ARHGAP24: variants seen among roughly 807,000 people sequenced by gnomAD.
ARHGAP24 encodes the protein rho GTPase-activating protein 24.
A neutral mutation model predicts 76.4 loss-of-function variants in ARHGAP24; 50 were observed. That is an observed-to-expected ratio of 0.65 (90% CI 0.52 to 0.83). The LOEUF (loss-of-function observed/expected upper bound fraction) is 0.83, where lower values mean the gene tolerates loss of function less well. Among genes scored for constraint, ARHGAP24 ranks in the 40% least tolerant of loss-of-function variants. ARHGAP24 has a pLI of 0.00. For missense variants in ARHGAP24, 930 were observed against 914.2 expected (o/e 1.02, Z -0.22); for synonymous variants, 345 against 323.3 (o/e 1.07, Z -0.72).
Position 85,518,169 on chromosome 4 carries a change from G to A in ARHGAP24, c.-21+42610G>A, listed in dbSNP as rs1046735020. ...ACATTCAGTATATCATGAGGAAGAA[G>A]CAAAATAATATGTAAGGTGTTTTTG... On this transcript the variant is annotated intron_variant, in intron 1 of 9. Coordinates refer to ENST00000395184, the MANE Select transcript of ARHGAP24 (RefSeq NM_001025616.3). Among the ~76,000 whole-genome samples the A allele has an allele frequency of 1.6e-4, 25 of 152,162 alleles. 1 individual carries two copies. The highest frequency in any genetic ancestry group is 1.4e-3 in the Admixed American group (22 of 15,246).
intron 3 of ARHGAP24, among the ~76,000 whole-genome samples, chr4:85,829,078 G>T (rs1322685817): frequency 6.6e-6 from 1 of 152,062 alleles, no homozygotes; most frequent in Non-Finnish European, 1.5e-5. Context: ...AAAAAATTTA[G>T]AGTCAGCAGA....
intron 2 of ARHGAP24, among the ~76,000 whole-genome samples, chr4:85,640,267 A>G (rs951717685): frequency 3.3e-5 from 5 of 152,048 alleles, no homozygotes; most frequent in Non-Finnish European, 4.4e-5. Context: ...TTCTAAACCT[A>G]CTTACCCTGT....
At chr4:85,843,223 T>C (rs1187532351) in intron 3 of ARHGAP24, among the ~76,000 whole-genome samples, 2 of 152,214 alleles carry the variant, frequency 1.3e-5, no homozygotes, top group South Asian at 2.1e-4. Flanking sequence ...TGCCACATTG[T>C]TGGACAGTTC....
At chr4:85,815,240 G>T (rs1469358666) in intron 3 of ARHGAP24, among the ~76,000 whole-genome samples, 1 of 151,966 alleles carries the variant, frequency 6.6e-6, no homozygotes, top group Non-Finnish European at 1.5e-5. Context: ...CATTTTTTTT[G>T]GAAATAACAT....
At chr4:85,997,337 T>C (rs1560776474) in intron 9 of ARHGAP24, among the ~76,000 whole-genome samples, 1 of 149,450 alleles carries the variant, frequency 6.7e-6, no homozygotes, top group African/African-American at 2.5e-5. Context: ...GATAGATAGA[T>C]AGATAGAGAG....
intron 1 of ARHGAP24, among the ~76,000 whole-genome samples, chr4:85,507,271 G>A (rs1318610448): frequency 6.6e-6 from 1 of 151,944 alleles, no homozygotes; most frequent in Non-Finnish European, 1.5e-5. Context: ...ACCCAGGCTG[G>A]AGTGCAGTGG....
At chr4:85,646,732 A>G (rs558705787) in intron 2 of ARHGAP24, among the ~76,000 whole-genome samples, 7 of 152,100 alleles carry the variant, frequency 4.6e-5, no homozygotes, top group Non-Finnish European at 1.0e-4. Context: ...TTCTGCAAAA[A>G]TATAAGGGAA....
intron 2 of ARHGAP24, among the ~76,000 whole-genome samples, chr4:85,662,878 C>A (rs1391272522): frequency 3.3e-5 from 5 of 151,986 alleles, no homozygotes; most frequent in African/African-American, 1.2e-4. Flanking sequence ...TTGACCTATA[C>A]CTCTGTTTAG....
intron 1 of ARHGAP24, among the ~76,000 whole-genome samples, chr4:85,545,451 T>C (rs1314205762): frequency 6.6e-6 from 1 of 152,182 alleles, no homozygotes; most frequent in Non-Finnish European, 1.5e-5. Context: ...CATTGCTAAT[T>C]TTCTCTTCAT....
chr4:85,707,378 T>C (rs575961630), intron 2 of ARHGAP24, among the ~76,000 whole-genome samples: 11 of 151,764 alleles, frequency 7.2e-5, no homozygotes, highest in African/African-American at 2.7e-4. Flanking sequence ...AATGCGTCCT[T>C]GTGCTTCTTG....
intron 3 of ARHGAP24, among the ~76,000 whole-genome samples, chr4:85,917,743 G>A (rs994465373): frequency 2.0e-5 from 3 of 152,132 alleles, no homozygotes; most frequent in Non-Finnish European, 4.4e-5. Context: ...TCACTTCTAA[G>A]AAACTGTTTG....
At chr4:85,631,627 T>C (rs761113070) in intron 2 of ARHGAP24, among the ~76,000 whole-genome samples, 18 of 152,134 alleles carry the variant, frequency 1.2e-4, no homozygotes, top group Non-Finnish European at 2.2e-4. Flanking sequence ...CTTCTAATCA[T>C]TTTGCTATAG....
At chr4:85,862,362 C>T (rs1343157283) in intron 3 of ARHGAP24, among the ~76,000 whole-genome samples, 5 of 151,976 alleles carry the variant, frequency 3.3e-5, no homozygotes, top group African/African-American at 1.2e-4. Context: ...TACAGGTTGG[C>T]GTTTGCCTTA....
At chr4:85,707,042 G>A (rs1420233034) in intron 2 of ARHGAP24, among the ~76,000 whole-genome samples, 3 of 152,130 alleles carry the variant, frequency 2.0e-5, no homozygotes, top group Non-Finnish European at 4.4e-5. Context: ...AGCCTCCTGA[G>A]TAACTAGAGC....
intron 2 of ARHGAP24, among the ~76,000 whole-genome samples, chr4:85,647,935 T>C (rs1441531433): frequency 6.6e-6 from 1 of 152,196 alleles, no homozygotes; most frequent in Non-Finnish European, 1.5e-5. Flanking sequence ...AATGTAAGCT[T>C]TATGTGGGAA....
chr4:85,917,304 G>C (rs531770316), intron 3 of ARHGAP24, among the ~76,000 whole-genome samples: 1 of 152,128 alleles, frequency 6.6e-6, no homozygotes, highest in East Asian at 1.9e-4. Flanking sequence ...TCTTAATCCA[G>C]TCTATCATTG....
At chr4:85,619,347 G>A (rs1007779652) in intron 2 of ARHGAP24, among the ~76,000 whole-genome samples, 11 of 151,734 alleles carry the variant, frequency 7.2e-5, no homozygotes, top group African/African-American at 9.7e-5. Flanking sequence ...TGCTGATACC[G>A]TGCTGTTTTG....
intron 3 of ARHGAP24, among the ~76,000 whole-genome samples, chr4:85,881,424 T>C (rs1007706108): frequency 6.6e-6 from 1 of 151,688 alleles, no homozygotes; most frequent in Non-Finnish European, 1.5e-5. Context: ...TTTAAAAAGA[T>C]ACGGTTGAGG....
chr4:85,992,187 CA>C, intron 8 of ARHGAP24: 1 of 397,460 alleles, frequency 2.5e-6, no homozygotes, highest in Non-Finnish European at 4.4e-6. Context: ...GACAGGGAAT[CA>C]AAAGGAAAAA....
Sources: allele counts gnomAD v4.1 joint callset (sites outside exome capture counted in the v4.1 genomes callset), GRCh38; gene constraint gnomAD v4.1.1; transcripts MANE v1.5; gene names NCBI Gene and HGNC (gene_info 2026-07-23, HGNC 2026-07-21).